SORCS1: variants seen among roughly 807,000 people sequenced by gnomAD.
The protein encoded by SORCS1 is sortilin related VPS10 domain containing receptor 1.
In SORCS1, 60 loss-of-function variants were observed where a neutral mutation model predicts 146.1. That is an observed-to-expected ratio of 0.41 (90% confidence interval 0.33 to 0.51). The LOEUF is 0.51. SORCS1 is among the 20% of genes least tolerant of loss of function. The probability of loss-of-function intolerance (pLI) is 0.21; values close to 1 mark genes in which losing one functional copy is unlikely to be tolerated. For synonymous variants in SORCS1, 637 were observed against 584.0 expected, an observed-to-expected ratio of 1.09 and a Z score of -1.31; for missense variants, 1,352 against 1,487.6, an observed-to-expected ratio of 0.91 and a Z score of 1.50.
rs142829968 is a variant in SORCS1, at chr10:107,126,413, C to T, written c.558+37556G>A. Among the ~76,000 whole-genome samples the T allele has an allele frequency of 3.0e-3, 454 of 152,182 alleles. 1 individual carries two copies. The highest frequency in any genetic ancestry group is 9.3e-3 in the African/African-American group (388 of 41,536). On this transcript the variant is annotated intron_variant, in intron 1 of 25. Transcript: ENST00000263054. Reference sequence around the variant, plus strand: ...AACTGTGATTCATAAATAAGAAAAACGTCTTCGATAGACAGGTATCTACCT... The same window carrying T: ...AACTGTGATTCATAAATAAGAAAAATGTCTTCGATAGACAGGTATCTACCT...
chr10:107,153,143 C>A (rs901136418), intron 1 of SORCS1, among the ~76,000 whole-genome samples: 5 of 151,598 alleles, frequency 3.3e-5, no homozygotes, highest in African/African-American at 1.2e-4. Context: ...TTCCATATAT[C>A]TGTTATTTAT....
intron 3 of SORCS1, among the ~76,000 whole-genome samples, chr10:106,789,360 G>A (rs888357031): frequency 6.6e-6 from 1 of 152,150 alleles, no homozygotes; most frequent in East Asian, 1.9e-4. Context: ...CCCAGAAAAT[G>A]GGTTTTTCTT....
In SORCS1 at chr10:106,577,768, A is replaced by G. The variant is rs563692130; in HGVS notation, c.3372-213T>C. The G allele has an allele frequency of 4.3e-5, 38 of 894,072 alleles. 2 individuals are homozygous for G. In the South Asian group the frequency reaches 8.3e-4, roughly 20 times the overall value. 55.4% of individuals were successfully genotyped at this position (894,072 alleles called of 1,614,324 possible). On this transcript the variant is annotated intron_variant, in intron 25 of 25. Coordinates refer to ENST00000263054, the MANE Select transcript of SORCS1 (RefSeq NM_052918.5). ...TTAGAAGCTTTAGGAATGAGTAGAC[A>G]GGGTGAATGCTTCTCTGGACTTGAA... is the stretch of plus-strand genomic sequence containing the variant.
chr10:106,879,893 CTT>C (rs1290693408), intron 2 of SORCS1, among the ~76,000 whole-genome samples: 7 of 152,182 alleles, frequency 4.6e-5, no homozygotes, highest in African/African-American at 1.7e-4. Flanking sequence ...TAACATCAGC[CTT>C]GTGAAACCCT....
chr10:106,995,353 G>A (rs777981352), intron 1 of SORCS1, among the ~76,000 whole-genome samples: 2 of 151,344 alleles, frequency 1.3e-5, no homozygotes, highest in Non-Finnish European at 2.9e-5. Context: ...ACAGAGAATA[G>A]AAGAACAGCC....
intron 1 of SORCS1, among the ~76,000 whole-genome samples, chr10:106,996,023 A>G (rs904134501): frequency 6.6e-6 from 1 of 151,880 alleles, no homozygotes; most frequent in African/African-American, 2.4e-5. Flanking sequence ...CCACCCTGTG[A>G]TCATGTTCAA....
At chr10:106,990,294 T>C (rs896137057) in intron 1 of SORCS1, among the ~76,000 whole-genome samples, 10 of 152,132 alleles carry the variant, frequency 6.6e-5, no homozygotes, top group Non-Finnish European at 1.5e-4. Flanking sequence ...TTTTTTGAGA[T>C]GGAGTTGCTC....
chr10:106,774,142 C>G (rs1860245991), intron 4 of SORCS1, among the ~76,000 whole-genome samples: 2 of 152,118 alleles, frequency 1.3e-5, no homozygotes, highest in Admixed American at 1.3e-4. Flanking sequence ...TTTAAAATGA[C>G]AGGATTCATT....
At chr10:106,813,174 C>T (rs964343921) in intron 3 of SORCS1, among the ~76,000 whole-genome samples, 1 of 144,538 alleles carries the variant, frequency 6.9e-6, no homozygotes, top group Non-Finnish European at 1.5e-5. Context: ...GCACTGTCGC[C>T]CTCGCTGGAG....
At chr10:106,944,902 T>TTTTTTTTTTTTTTTTTTC (rs1954250086) in intron 2 of SORCS1, among the ~76,000 whole-genome samples, 1 of 133,996 alleles carries the variant, frequency 7.5e-6, no homozygotes, top group Non-Finnish European at 1.5e-5. Flanking sequence ...TTTTTTTTTT[T>TTTTTTTTTTTTTTTTTTC]GGAGATGGAG....
chr10:106,614,872 A>T (rs554331715), intron 21 of SORCS1, among the ~76,000 whole-genome samples: 1 of 152,310 alleles, frequency 6.6e-6, no homozygotes, highest in African/African-American at 2.4e-5. Flanking sequence ...GTTGAGAGAG[A>T]TAAAGTCTAT....
At chr10:107,074,729 T>C (rs1962736322) in intron 1 of SORCS1, among the ~76,000 whole-genome samples, 1 of 152,160 alleles carries the variant, frequency 6.6e-6, no homozygotes, top group African/African-American at 2.4e-5. Context: ...GTTCTCAATT[T>C]TGGCCATTCT....
At chr10:106,616,292 GA>G (rs1416487294) in intron 21 of SORCS1, among the ~76,000 whole-genome samples, 3 of 152,000 alleles carry the variant, frequency 2.0e-5, no homozygotes, top group Non-Finnish European at 2.9e-5. Flanking sequence ...TGCAACCTGT[GA>G]CATCCAAGAG....
chr10:106,996,641 G>A (rs895848211), intron 1 of SORCS1, among the ~76,000 whole-genome samples: 8 of 152,100 alleles, frequency 5.3e-5, no homozygotes, highest in African/African-American at 1.9e-4. Flanking sequence ...GAAGCATATT[G>A]TTTTCAGCCC....
chr10:106,958,358 G>T (rs1306589623), intron 1 of SORCS1, among the ~76,000 whole-genome samples: 2 of 152,218 alleles, frequency 1.3e-5, no homozygotes, highest in Non-Finnish European at 2.9e-5. Flanking sequence ...CAAGGGATCA[G>T]TTCTAGCCAC....
chr10:107,152,358 A>T (rs1348561083), intron 1 of SORCS1, among the ~76,000 whole-genome samples: 3 of 152,188 alleles, frequency 2.0e-5, no homozygotes, highest in Non-Finnish European at 2.9e-5. Flanking sequence ...CAAAGTCCCC[A>T]TGGGGCACTG....
rs543314437 is a variant in SORCS1 at position 107,137,422 on chromosome 10, G to C, written c.558+26547C>G. Among the ~76,000 whole-genome samples, 357 of 152,176 alleles carry C rather than the reference G, an allele frequency of 2.3e-3. 2 individuals carry two copies. The highest frequency in any genetic ancestry group is 0.01 in the Middle Eastern group (3 of 294). On this transcript the variant is annotated intron_variant, in intron 1 of 25. Coordinates refer to ENST00000263054, the MANE Select transcript of SORCS1 (RefSeq NM_052918.5). ...CCGACAACTCAAATTTCAACTCCCTGAATTTATTTTTACTGCCCTGCCAGA... is the reference window on the plus strand; with the variant it reads ...CCGACAACTCAAATTTCAACTCCCTCAATTTATTTTTACTGCCCTGCCAGA...
intron 1 of SORCS1, among the ~76,000 whole-genome samples, chr10:107,026,682 A>C (rs1279217039): frequency 2.0e-5 from 3 of 152,036 alleles, no homozygotes; most frequent in Non-Finnish European, 4.4e-5. Flanking sequence ...GAGAAGAAAA[A>C]AGATAAAAGA....
chr10:106,674,404 G>C (rs1001205759), intron 14 of SORCS1, among the ~76,000 whole-genome samples: 3 of 145,046 alleles, frequency 2.1e-5, no homozygotes, highest in African/African-American at 7.6e-5. Context: ...ATTGACTTTG[G>C]CTTGAAAGTT....
Sources: gnomAD v4.1 joint callset for allele counts (sites outside exome capture counted in the v4.1 genomes callset) on GRCh38, gnomAD v4.1.1 for gene constraint, MANE v1.5 for transcripts, NCBI Gene and HGNC (gene_info 2026-07-23, HGNC 2026-07-21) for gene names.